NRG3: variants seen among roughly 807,000 people sequenced by gnomAD.
NRG3 encodes the protein neuregulin 3.
In NRG3, 31 loss-of-function variants were observed where a neutral mutation model predicts 66.9. The ratio of observed to expected loss-of-function variants is 0.46; its 90% CI spans 0.35 to 0.63. NRG3 has a LOEUF of 0.63. NRG3 is among the 20% of genes least tolerant of loss of function. The probability of loss-of-function intolerance (pLI) is 0.00; values close to 1 mark genes in which losing one functional copy is unlikely to be tolerated. For synonymous variants in NRG3, 393 were observed against 359.4 expected, an observed-to-expected ratio of 1.09 and a Z score of -1.06; for missense variants, 910 against 878.9, an observed-to-expected ratio of 1.04 and a Z score of -0.45.
chr10:82,499,471 T>C (rs1274380655), intron 2 of NRG3, among the ~76,000 whole-genome samples: 1 of 152,188 alleles, frequency 6.6e-6, no homozygotes, highest in African/African-American at 2.4e-5. Flanking sequence ...CTTGCCTTGC[T>C]ATTTAGGGCT....
chr10:82,022,704 A>G (rs1056969767), intron 1 of NRG3, among the ~76,000 whole-genome samples: 2 of 152,076 alleles, frequency 1.3e-5, no homozygotes, highest in African/African-American at 2.4e-5. Context: ...ATCGGAAGCT[A>G]TCAACCACTG....
At chr10:82,037,638 C>T (rs931848792) in intron 1 of NRG3, among the ~76,000 whole-genome samples, 4 of 152,026 alleles carry the variant, frequency 2.6e-5, no homozygotes, top group Non-Finnish European at 4.4e-5. Flanking sequence ...TATGAATGAG[C>T]ACAGTACTAG....
intron 1 of NRG3, among the ~76,000 whole-genome samples, chr10:82,344,590 G>A (rs1167449487): frequency 1.4e-5 from 2 of 142,448 alleles, no homozygotes; most frequent in East Asian, 4.1e-4. Flanking sequence ...GTAATGGGAT[G>A]GCTAGGTCAA....
At chr10:82,001,195 GAAAAA>G in intron 1 of NRG3, among the ~76,000 whole-genome samples, 1 of 119,850 alleles carries the variant, frequency 8.3e-6, no homozygotes. Context: ...AAGTGTAAGA[GAAAAA>G]AAAAAAAAAA....
At chr10:82,155,899 T>G (rs2071150185) in intron 1 of NRG3, among the ~76,000 whole-genome samples, 1 of 151,758 alleles carries the variant, frequency 6.6e-6, no homozygotes, top group African/African-American at 2.4e-5. Flanking sequence ...CCTCTAAACT[T>G]TAGCTGCTTC....
At chr10:81,997,705 G>T (rs1277958079) in intron 1 of NRG3, among the ~76,000 whole-genome samples, 1 of 151,860 alleles carries the variant, frequency 6.6e-6, no homozygotes, top group Non-Finnish European at 1.5e-5. Flanking sequence ...ACAGTGCTTG[G>T]ACCATAATCA....
chr10:82,450,177 A>G (rs918268691), intron 2 of NRG3, among the ~76,000 whole-genome samples: 77 of 152,210 alleles, frequency 5.1e-4, no homozygotes, highest in African/African-American at 1.8e-3. Context: ...CCTGCAGTGA[A>G]GAAACCTACT....
intron 1 of NRG3, among the ~76,000 whole-genome samples, chr10:82,118,749 T>C (rs2067887496): frequency 1.3e-5 from 2 of 152,086 alleles, no homozygotes; most frequent in African/African-American, 4.8e-5. Context: ...TTGCAATAGA[T>C]GTGGAAAGTT....
At chr10:82,499,173 G>T (rs1245210700) in intron 2 of NRG3, among the ~76,000 whole-genome samples, 1 of 152,040 alleles carries the variant, frequency 6.6e-6, no homozygotes, top group African/African-American at 2.4e-5. Flanking sequence ...TCTTTTTTAG[G>T]CAAACTCCAT....
At chr10:82,684,078 C>T (rs533308447) in intron 2 of NRG3, among the ~76,000 whole-genome samples, 2 of 152,202 alleles carry the variant, frequency 1.3e-5, no homozygotes, top group South Asian at 2.1e-4. Flanking sequence ...TCTCACTAAA[C>T]AATAAAGTAG....
intron 3 of NRG3, among the ~76,000 whole-genome samples, chr10:82,854,499 A>T (rs1033306481): frequency 6.6e-6 from 1 of 152,222 alleles, no homozygotes; most frequent in Non-Finnish European, 1.5e-5. Context: ...CCTATGAAAG[A>T]ACTTTAAAAT....
At chr10:81,998,636 AG>A (rs1415819525) in intron 1 of NRG3, among the ~76,000 whole-genome samples, 1 of 152,222 alleles carries the variant, frequency 6.6e-6, no homozygotes, top group East Asian at 1.9e-4. Context: ...ATGATGCACA[AG>A]TGTTATGTGA....
At chr10:82,405,910 A>AT (rs917299209) in intron 2 of NRG3, among the ~76,000 whole-genome samples, 17 of 151,380 alleles carry the variant, frequency 1.1e-4, no homozygotes, top group East Asian at 2.0e-4. Flanking sequence ...TGCTTGAATC[A>AT]TTTTTTTTTC....
intron 2 of NRG3, among the ~76,000 whole-genome samples, chr10:82,475,691 T>A (rs923487350): frequency 6.6e-6 from 1 of 152,072 alleles, no homozygotes; most frequent in African/African-American, 2.4e-5. Context: ...AACAATTAAC[T>A]GAAAGTGGAT....
chr10:82,189,833 A>T (rs1473972996), intron 1 of NRG3, among the ~76,000 whole-genome samples: 3 of 150,786 alleles, frequency 2.0e-5, no homozygotes, highest in Non-Finnish European at 4.4e-5. Context: ...TGTGGTGGCG[A>T]GCACCTGTAA....
intron 2 of NRG3, among the ~76,000 whole-genome samples, chr10:82,618,334 A>C (rs766278582): frequency 1.3e-5 from 2 of 151,940 alleles, no homozygotes; most frequent in Non-Finnish European, 2.9e-5. Flanking sequence ...ACGGGGGGGA[A>C]TTTATGCGGG....
intron 2 of NRG3, among the ~76,000 whole-genome samples, chr10:82,659,171 G>GGT (rs2052111261): frequency 6.6e-6 from 1 of 152,162 alleles, no homozygotes; most frequent in Non-Finnish European, 1.5e-5. Context: ...CGTGAATCAA[G>GGT]GTTATATTTT....
chr10:82,693,242 G>GTC (rs2055087115), intron 2 of NRG3, among the ~76,000 whole-genome samples: 1 of 151,994 alleles, frequency 6.6e-6, no homozygotes, highest in Non-Finnish European at 1.5e-5. Context: ...CAAGCCAACA[G>GTC]CATTCATTTA....
intron 2 of NRG3, among the ~76,000 whole-genome samples, chr10:82,377,665 GACCAGGA>G (rs1173575313): frequency 6.6e-6 from 1 of 152,116 alleles, no homozygotes; most frequent in Non-Finnish European, 1.5e-5. Context: ...ATGACTAGGA[GACCAGGA>G]AGGAGTCAGA....
Sources: gnomAD v4.1 joint callset for allele counts (sites outside exome capture counted in the v4.1 genomes callset) on GRCh38, gnomAD v4.1.1 for gene constraint, MANE v1.5 for transcripts, NCBI Gene and HGNC (gene_info 2026-07-23, HGNC 2026-07-21) for gene names.